Variants in GSE1 observed in about 807,000 individuals in gnomAD.
GSE1 encodes Gse1 coiled-coil protein.
A neutral mutation model predicts 112.6 loss-of-function variants in GSE1; 32 were observed. The ratio of observed to expected loss-of-function variants is 0.28; its 90% CI spans 0.21 to 0.38. The LOEUF (loss-of-function observed/expected upper bound fraction) is 0.38, where lower values mean the gene tolerates loss of function less well. Ranked by LOEUF, GSE1 falls within the 10% of genes least tolerant of loss-of-function variation. The pLI is 1.00. For missense variants in GSE1, 2,348 were observed against 1,699.2 expected (o/e 1.38, Z -6.71); for synonymous variants, 1,115 against 735.6 (o/e 1.52, Z -8.35).
chr16:85,292,058 G>A (rs1395676476), intron 1 of GSE1, among the ~76,000 whole-genome samples: 5 of 152,076 alleles, frequency 3.3e-5, no homozygotes, highest in Admixed American at 3.3e-4. Context: ...TACTTGCTGT[G>A]CAGCTTTGGG....
intron 1 of GSE1, among the ~76,000 whole-genome samples, chr16:85,265,736 G>A (rs1908169260): frequency 6.6e-6 from 1 of 152,124 alleles, no homozygotes; most frequent in African/African-American, 2.4e-5. Flanking sequence ...GCCATTGGGG[G>A]GCTCTCTGCT....
At chr16:85,182,769 G>A (rs1467217048) in intron 1 of GSE1, among the ~76,000 whole-genome samples, 1 of 152,046 alleles carries the variant, frequency 6.6e-6, no homozygotes, top group Non-Finnish European at 1.5e-5. Flanking sequence ...TGCGTGGGAG[G>A]GACAGTGGAT....
intron 1 of GSE1, among the ~76,000 whole-genome samples, chr16:85,210,352 C>T (rs1309156483): frequency 1.3e-5 from 2 of 152,164 alleles, no homozygotes; most frequent in Non-Finnish European, 2.9e-5. Flanking sequence ...TGCTGTGTTC[C>T]CAGCACTTCA....
At chr16:85,645,677 C>T (rs1166688498) in intron 2 of GSE1, among the ~76,000 whole-genome samples, 2 of 152,232 alleles carry the variant, frequency 1.3e-5, no homozygotes, top group East Asian at 1.9e-4. Flanking sequence ...GTGCCCACTC[C>T]GGACACAGTG....
At position 85,655,819 on chromosome 16, in the gene GSE1, G is replaced by C; in HGVS notation, c.891G>C (p.Met297Ile). ...TGCCCCCACTGCACCCATCAGCGATGCACCTGCACCTCTCTGGGGTCCGCT... is the reference window on the plus strand; with the variant it reads ...TGCCCCCACTGCACCCATCAGCGATCCACCTGCACCTCTCTGGGGTCCGCT... ...GSLPPLHPSA[M>I]HLHLSGVRYP... The change falls in exon 6 of 16, where the codon ATG (methionine) becomes ATC (isoleucine). Residue 297 changes from methionine to isoleucine, a missense_variant. Transcript: ENST00000253458. 2 of 1,588,218 alleles carry C rather than the reference G, an allele frequency of 1.3e-6. No homozygotes were observed. The highest frequency in any genetic ancestry group is 2.2e-5 in the South Asian group (2 of 90,622).
intron 1 of GSE1, among the ~76,000 whole-genome samples, chr16:85,347,622 G>A (rs2046770208): frequency 1.3e-5 from 2 of 148,242 alleles, no homozygotes; most frequent in Admixed American, 6.7e-5. Context: ...CACAGCAAGT[G>A]CACCAATGTT....
intron 1 of GSE1, among the ~76,000 whole-genome samples, chr16:85,569,191 C>T (rs2045880924): frequency 6.6e-6 from 1 of 152,234 alleles, no homozygotes; most frequent in South Asian, 2.1e-4. Context: ...CTGTCCTCCA[C>T]ACCTTTGGCC....
Position 85,661,838 on chromosome 16 carries a change from C to T in GSE1, c.2260+73C>T, listed in dbSNP as rs1475979617. ...GGGGATGGGGAGCCTGCATGCCAGCCACCTGCCCCTCTCCGTCCACTCCTG... is the reference window on the plus strand; with the variant it reads ...GGGGATGGGGAGCCTGCATGCCAGCTACCTGCCCCTCTCCGTCCACTCCTG... On this transcript the variant is annotated intron_variant, in intron 9 of 15. Coordinates refer to ENST00000253458, the MANE Select transcript of GSE1 (RefSeq NM_014615.5). 4.4e-6 allele frequency: 6 copies of T among 1,367,330 alleles called. No homozygotes were observed. The East Asian group carries it at 1.0e-4, about 23-fold the overall frequency. 84.7% of individuals were successfully genotyped at this position (1,367,330 alleles called of 1,614,324 possible).
At chr16:85,203,323 A>G (rs1328909126) in intron 1 of GSE1, among the ~76,000 whole-genome samples, 2 of 152,130 alleles carry the variant, frequency 1.3e-5, no homozygotes, top group Non-Finnish European at 2.9e-5. Context: ...TGAAGCAGGC[A>G]CACCTGTGTC....
intron 1 of GSE1, among the ~76,000 whole-genome samples, chr16:85,310,010 G>A (rs965718555): frequency 2.6e-5 from 4 of 152,264 alleles, no homozygotes; most frequent in African/African-American, 4.8e-5. Flanking sequence ...GGAACAGAGC[G>A]TGTCTTTGTT....
rs989900051 is a variant in GSE1 at position 85,633,989 on chromosome 16, C to T, written c.83C>T (p.Pro28Leu). 1 of 1,613,148 alleles carries T rather than the reference C, an allele frequency of 6.2e-7. No homozygotes were observed. Among genetic ancestry groups the T allele is most frequent in the Non-Finnish European group, 8.5e-7 (1 of 1,179,734 alleles). Residue 28 changes from proline to leucine, a missense_variant, in exon 2 of 16, where the codon CCC becomes CTC. Transcript: ENST00000253458. ...TATRTTATVN[P>L]LTPSPLNGAL... ...ACCAGGACCACCGCCACCGTCAACC[C>T]CCTCACCCCCTCGCCGCTCAATGGC...
At chr16:85,217,560 G>A (rs750280404) in intron 1 of GSE1, among the ~76,000 whole-genome samples, 11 of 152,348 alleles carry the variant, frequency 7.2e-5, no homozygotes, top group African/African-American at 2.4e-4. Context: ...TGGGGAGTGC[G>A]TGAGAAGTGA....
At chr16:85,295,426 C>G (rs1258402225) in intron 1 of GSE1, among the ~76,000 whole-genome samples, 1 of 152,254 alleles carries the variant, frequency 6.6e-6, no homozygotes, top group African/African-American at 2.4e-5. Context: ...AGTGATTATT[C>G]CACCGTGCGC....
At chr16:85,413,651 A>T (rs987417437) in intron 2 of GSE1, among the ~76,000 whole-genome samples, 5 of 152,178 alleles carry the variant, frequency 3.3e-5, no homozygotes, top group Admixed American at 6.5e-5. Flanking sequence ...ACTGTACCTT[A>T]TAAAACTGAC....
chr16:85,291,677 A>C (rs1421506901), intron 1 of GSE1, among the ~76,000 whole-genome samples: 1 of 151,820 alleles, frequency 6.6e-6, no homozygotes, highest in Non-Finnish European at 1.5e-5. Flanking sequence ...TGGGCCCCTG[A>C]CCCCGGGGAG....
chr16:85,266,918 C>G (rs1908304968), intron 1 of GSE1, among the ~76,000 whole-genome samples: 2 of 152,296 alleles, frequency 1.3e-5, no homozygotes, highest in South Asian at 4.1e-4. Context: ...CTTGGTCCCC[C>G]ATTTCTGGAC....
intron 2 of GSE1, among the ~76,000 whole-genome samples, chr16:85,515,554 G>T (rs1217337935): frequency 6.6e-6 from 1 of 151,952 alleles, no homozygotes; most frequent in Non-Finnish European, 1.5e-5. Context: ...AGCCTGGCCT[G>T]TGTCCTCTGA....
At chr16:85,331,355 G>GTATATATATATATATA (rs1467067903) in intron 1 of GSE1, among the ~76,000 whole-genome samples, 1 of 57,346 alleles carries the variant, frequency 1.7e-5, no homozygotes, top group Admixed American at 2.0e-4. Context: ...GTGTGTGTGT[G>GTATATATATATATATA]TGTGTGTGTG....
intron 1 of GSE1, among the ~76,000 whole-genome samples, chr16:85,194,430 T>C (rs1386678569): frequency 6.6e-6 from 1 of 152,174 alleles, no homozygotes; most frequent in Non-Finnish European, 1.5e-5. Flanking sequence ...TGAGCTTCTT[T>C]TTCTAAGAGG....
Sources: allele counts gnomAD v4.1 joint callset (sites outside exome capture counted in the v4.1 genomes callset), GRCh38; gene constraint gnomAD v4.1.1; transcripts MANE v1.5; gene names NCBI Gene and HGNC (gene_info 2026-07-23, HGNC 2026-07-21).